The following GALNTL6 variants were observed in gnomAD, a reference collection of about 807,000 sequenced individuals.
The protein encoded by GALNTL6 is polypeptide N-acetylgalactosaminyltransferase-like 6.
A neutral mutation model predicts 73.7 loss-of-function variants in GALNTL6; 46 were observed. The ratio of observed to expected loss-of-function variants is 0.62; its 90% CI spans 0.49 to 0.80. GALNTL6 has a LOEUF of 0.80. GALNTL6 is among the 30% of genes least tolerant of loss of function. The pLI is 0.00. For synonymous variants in GALNTL6, 259 were observed against 263.7 expected (o/e 0.98, Z 0.17); for missense variants, 604 against 755.0 (o/e 0.80, Z 2.34).
intron 4 of GALNTL6, among the ~76,000 whole-genome samples, chr4:172,330,342 T>C (rs982103425): frequency 6.6e-6 from 1 of 152,162 alleles, no homozygotes; most frequent in Non-Finnish European, 1.5e-5. Flanking sequence ...AAAGATCCAC[T>C]GGGGAGGTGT....
At chr4:172,539,376 G>C (rs1020988618) in intron 5 of GALNTL6, among the ~76,000 whole-genome samples, 1 of 152,130 alleles carries the variant, frequency 6.6e-6, no homozygotes, top group African/African-American at 2.4e-5. Flanking sequence ...AAGTAAGGTG[G>C]AGCTGAATGA....
intron 5 of GALNTL6, among the ~76,000 whole-genome samples, chr4:172,446,683 G>A (rs570807582): frequency 4.6e-5 from 7 of 152,186 alleles, no homozygotes; most frequent in Admixed American, 2.0e-4. Flanking sequence ...TGATGAAAAC[G>A]ATAGAGCTTC....
chr4:172,950,231 C>G (rs1460725337), intron 9 of GALNTL6, among the ~76,000 whole-genome samples: 1 of 152,152 alleles, frequency 6.6e-6, no homozygotes, highest in Admixed American at 6.5e-5. Context: ...TTAAGGTAAA[C>G]TGGAGTCCAA....
intron 2 of GALNTL6, among the ~76,000 whole-genome samples, chr4:172,110,788 T>C (rs1262325373): frequency 6.6e-6 from 1 of 152,146 alleles, no homozygotes; most frequent in African/African-American, 2.4e-5. Flanking sequence ...ATTTGGATGA[T>C]ACATTTGAAT....
chr4:172,066,402 C>T (rs556416691), intron 2 of GALNTL6, among the ~76,000 whole-genome samples: 182 of 152,168 alleles, frequency 1.2e-3, no homozygotes, highest in African/African-American at 4.1e-3. Context: ...TTTATATTTC[C>T]GCCATGTCTT....
intron 2 of GALNTL6, among the ~76,000 whole-genome samples, chr4:171,837,459 T>G (rs1735121781): frequency 6.6e-6 from 1 of 151,514 alleles, no homozygotes; most frequent in Non-Finnish European, 1.5e-5. Context: ...CTGACCTGGA[T>G]TGCTGTATTG....
chr4:172,052,621 T>C (rs781583593), intron 2 of GALNTL6: 6 of 735,610 alleles, frequency 8.2e-6, no homozygotes, highest in Non-Finnish European at 1.3e-5. Flanking sequence ...ATCAGGACTT[T>C]AGGGTCACGT....
chr4:172,103,246 G>A (rs1307481138), intron 2 of GALNTL6, among the ~76,000 whole-genome samples: 2 of 152,100 alleles, frequency 1.3e-5, no homozygotes, highest in African/African-American at 4.8e-5. Flanking sequence ...CCACACATAG[G>A]TTTTTAACCG....
chr4:172,706,497 C>G (rs1734362597), intron 5 of GALNTL6, among the ~76,000 whole-genome samples: 1 of 151,922 alleles, frequency 6.6e-6, no homozygotes, highest in Non-Finnish European at 1.5e-5. Flanking sequence ...GGTTCTCTAT[C>G]CACTCTTGTT....
At chr4:172,863,743 G>T (rs1338444559) in intron 7 of GALNTL6, among the ~76,000 whole-genome samples, 1 of 152,172 alleles carries the variant, frequency 6.6e-6, no homozygotes, top group East Asian at 1.9e-4. Context: ...GCTGAAATGA[G>T]TTAAGATATT....
At chr4:172,732,150 C>A (rs1202987004) in intron 5 of GALNTL6, among the ~76,000 whole-genome samples, 3 of 152,092 alleles carry the variant, frequency 2.0e-5, no homozygotes, top group African/African-American at 7.2e-5. Context: ...ACATCCCTGA[C>A]TATTATTGTA....
chr4:172,521,921 A>T (rs114163605), intron 5 of GALNTL6, among the ~76,000 whole-genome samples: 3,420 of 152,326 alleles, frequency 0.022, 126 homozygotes, highest in African/African-American at 0.078. Flanking sequence ...TTCTAGAAGG[A>T]TGATTATATT....
intron 2 of GALNTL6, among the ~76,000 whole-genome samples, chr4:171,963,287 T>C (rs1034992637): frequency 1.3e-5 from 2 of 152,170 alleles, no homozygotes; most frequent in African/African-American, 4.8e-5. Flanking sequence ...ACCCAGGTCA[T>C]TGGACTTTCT....
intron 3 of GALNTL6, among the ~76,000 whole-genome samples, chr4:172,243,279 A>G (rs550814722): frequency 1.3e-5 from 2 of 152,312 alleles, no homozygotes; most frequent in East Asian, 3.9e-4. Context: ...TCCCCAGTTT[A>G]GAAAGGCCTG....
At chr4:172,896,097 C>T (rs1284265915) in intron 8 of GALNTL6, among the ~76,000 whole-genome samples, 1 of 152,234 alleles carries the variant, frequency 6.6e-6, no homozygotes, top group Non-Finnish European at 1.5e-5. Context: ...GGTCACACAT[C>T]TCCCTCATTT....
chr4:172,455,229 C>T (rs1326167222), intron 5 of GALNTL6, among the ~76,000 whole-genome samples: 3 of 152,224 alleles, frequency 2.0e-5, no homozygotes, highest in Non-Finnish European at 4.4e-5. Context: ...CCAGGAGGTT[C>T]CTTGGGTGCC....
At chr4:172,750,083 A>G (rs1347780186) in intron 5 of GALNTL6, among the ~76,000 whole-genome samples, 1 of 152,212 alleles carries the variant, frequency 6.6e-6, no homozygotes, top group Non-Finnish European at 1.5e-5. Flanking sequence ...TTAAAAATTT[A>G]TAACAAGAGT....
At position 172,708,270 on chromosome 4, in the gene GALNTL6, G is replaced by A. The variant is rs531447550; in HGVS notation, c.554-101091G>A. ...TTGCTATGTTGCCAGGCAACACTTC[G>A]TGGTCTCAAACCCCTGACCTCAAGT... On this transcript the variant is annotated intron_variant, in intron 5 of 12. Coordinates refer to ENST00000506823, the MANE Select transcript of GALNTL6 (RefSeq NM_001034845.3). Among the ~76,000 whole-genome samples the A allele has an allele frequency of 7.4e-4, 112 of 152,168 alleles. 1 individual carries two copies. Among genetic ancestry groups the A allele is most frequent in the African/African-American group, 2.7e-3 (111 of 41,536 alleles).
rs569182840 is a variant in GALNTL6, at chr4:172,380,382, G to A, written c.553+31693G>A. The A allele has an allele frequency of 1.4e-4, 92 of 666,164 alleles. 1 individual carries two copies. Among genetic ancestry groups the A allele is most frequent in the South Asian group, 7.3e-4 (52 of 71,676 alleles). The allele number at this position is 666,164 out of a possible 1,614,324, so 41.3% of individuals were successfully genotyped here. ...TCCCAGGGACTGGCAATGACCACATGAAAATAATGGATGTTGCTCTCATAT... is the reference window on the plus strand; with the variant it reads ...TCCCAGGGACTGGCAATGACCACATAAAAATAATGGATGTTGCTCTCATAT... On this transcript the variant is annotated intron_variant, in intron 5 of 12. Coordinates refer to ENST00000506823, the MANE Select transcript of GALNTL6 (RefSeq NM_001034845.3).
Sources: allele counts gnomAD v4.1 joint callset (sites outside exome capture counted in the v4.1 genomes callset), GRCh38; gene constraint gnomAD v4.1.1; transcripts MANE v1.5; gene names NCBI Gene and HGNC (gene_info 2026-07-23, HGNC 2026-07-21).